Variants in ELOVL5 observed in about 807,000 individuals in gnomAD.
ELOVL5 encodes the protein ELOVL fatty acid elongase 5, also known as very long chain fatty acid elongase 5.
ELOVL5 carries 8 observed loss-of-function variants against 38.6 expected under a neutral mutation model. The observed-to-expected ratio is 0.21, with a 90% CI of 0.12 to 0.37. The LOEUF (loss-of-function observed/expected upper bound fraction) is 0.37, where lower values mean the gene tolerates loss of function less well. Among genes scored for constraint, ELOVL5 ranks in the 10% least tolerant of loss-of-function variants. The probability of loss-of-function intolerance (pLI) is 1.00; values close to 1 mark genes in which losing one functional copy is unlikely to be tolerated. For missense variants in ELOVL5, 280 were observed against 367.8 expected, an observed-to-expected ratio of 0.76 and a Z score of 1.95; for synonymous variants, 127 against 133.7, an observed-to-expected ratio of 0.95 and a Z score of 0.34.
At chr6:53,282,862 C>T (rs564508286) in intron 3 of ELOVL5, among the ~76,000 whole-genome samples, 1 of 151,886 alleles carries the variant, frequency 6.6e-6, no homozygotes, top group Non-Finnish European at 1.5e-5. Context: ...TTTAGGAAAG[C>T]CTGAAGGGAA....
intron 1 of ELOVL5, among the ~76,000 whole-genome samples, chr6:53,341,954 C>A (rs1769350070): frequency 6.6e-6 from 1 of 152,146 alleles, no homozygotes; most frequent in Admixed American, 6.5e-5. Flanking sequence ...AGTGACTTAC[C>A]TGCTGAAGCC....
intron 2 of ELOVL5, among the ~76,000 whole-genome samples, chr6:53,292,682 T>A (rs1427445517): frequency 6.6e-6 from 1 of 152,116 alleles, no homozygotes; most frequent in African/African-American, 2.4e-5. Flanking sequence ...TCCCAGCTAC[T>A]TGGGAGGCTG....
At chr6:53,316,056 T>A (rs1768026574) in intron 1 of ELOVL5, among the ~76,000 whole-genome samples, 1 of 152,250 alleles carries the variant, frequency 6.6e-6, no homozygotes, top group Non-Finnish European at 1.5e-5. Context: ...CTCATGGAGT[T>A]GCTGTGAGGA....
chr6:53,271,997 C>T (rs889781016), intron 6 of ELOVL5, among the ~76,000 whole-genome samples: 2 of 152,196 alleles, frequency 1.3e-5, no homozygotes, highest in Non-Finnish European at 2.9e-5. Context: ...GGTTAATCAA[C>T]AATTTTCCTT....
At chr6:53,347,437 C>T (rs1769599221) in intron 1 of ELOVL5, among the ~76,000 whole-genome samples, 1 of 152,182 alleles carries the variant, frequency 6.6e-6, no homozygotes, top group Non-Finnish European at 1.5e-5. Context: ...AATGCAAAAC[C>T]GCCTGTTTCT....
At position 53,323,660 on chromosome 6, in the gene ELOVL5, G is replaced by A. The variant is rs544951214; in HGVS notation, c.-9+25157C>T. On this transcript the variant is annotated intron_variant, in intron 1 of 7. Coordinates refer to ENST00000304434, the MANE Select transcript of ELOVL5 (RefSeq NM_021814.5). The stretch of plus-strand genomic sequence containing the variant: ...TGCAGTGGCGTGATCTCGGCTCACC[G>A]CAACCTCCGCCTCCCGAGTTCAAGC... 1.6e-4 allele frequency among the ~76,000 whole-genome samples: 20 copies of A among 123,238 alleles called. No homozygotes were observed. The South Asian group carries it at 2.5e-3, about 15-fold the overall frequency. The allele number at this position is 123,238 out of a possible 152,430, so 80.8% of individuals were successfully genotyped here.
intron 1 of ELOVL5, among the ~76,000 whole-genome samples, chr6:53,304,966 C>T (rs1199651776): frequency 1.3e-5 from 2 of 151,888 alleles, no homozygotes; most frequent in African/African-American, 2.4e-5. Context: ...GGGTGGTGGC[C>T]GGGCAGAGGG....
chr6:53,290,774 C>A (rs577611855), intron 3 of ELOVL5, among the ~76,000 whole-genome samples: 15 of 149,362 alleles, frequency 1.0e-4, no homozygotes, highest in Non-Finnish European at 1.9e-4. Flanking sequence ...AGGGAGACAC[C>A]ATCATGGCCT....
chr6:53,305,197 GC>G (rs1767448803), intron 1 of ELOVL5, among the ~76,000 whole-genome samples: 1 of 146,982 alleles, frequency 6.8e-6, no homozygotes. Context: ...CTGGCTGGGC[GC>G]GGGGCTGACC....
At chr6:53,294,609 A>C (rs1349411319) in intron 2 of ELOVL5, 4 of 1,365,662 alleles carry the variant, frequency 2.9e-6, no homozygotes, top group Non-Finnish European at 3.8e-6. Flanking sequence ...TATTATTATT[A>C]TTTTAGCCAT....
intron 3 of ELOVL5, among the ~76,000 whole-genome samples, chr6:53,288,571 A>G (rs1045892221): frequency 1.3e-5 from 2 of 152,264 alleles, no homozygotes; most frequent in Admixed American, 6.5e-5. Flanking sequence ...AAAGTTAATG[A>G]GATATAGAAG....
chr6:53,334,957 T>C (rs1581994541), intron 1 of ELOVL5, among the ~76,000 whole-genome samples: 1 of 152,170 alleles, frequency 6.6e-6, no homozygotes, highest in Admixed American at 6.5e-5. Context: ...AAGAGTTAGA[T>C]AGAGAAATGA....
At chr6:53,344,374 G>A (rs1177519161) in intron 1 of ELOVL5, among the ~76,000 whole-genome samples, 1 of 152,108 alleles carries the variant, frequency 6.6e-6, no homozygotes, top group Non-Finnish European at 1.5e-5. Context: ...TTCAGGTCAG[G>A]CCTTTTCACT....
At chr6:53,306,010 C>T (rs978638393) in intron 1 of ELOVL5, among the ~76,000 whole-genome samples, 3 of 151,444 alleles carry the variant, frequency 2.0e-5, no homozygotes, top group Admixed American at 6.6e-5. Context: ...GAGACCAGCC[C>T]GGCCAACACA....
At chr6:53,324,619 G>C (rs1727210083) in intron 1 of ELOVL5, among the ~76,000 whole-genome samples, 1 of 144,398 alleles carries the variant, frequency 6.9e-6, no homozygotes, top group South Asian at 2.1e-4. Context: ...AGGTTGCAGT[G>C]AGCCAAGATG....
In ELOVL5 at chr6:53,273,280, C is replaced by G. The variant is rs199770402; in HGVS notation, c.561G>C (p.Ser187=). 1 of 1,613,552 alleles carries G rather than the reference C, an allele frequency of 6.2e-7. No homozygotes were observed. The highest frequency in any genetic ancestry group is 2.2e-5 in the East Asian group (1 of 44,872). The change falls in exon 6 of 8, where the codon TCG becomes TCC. Residue 187 remains serine, a synonymous_variant. Transcript: ENST00000304434. ...GGTATGGACGCATGGAAGGGACTGA[C>G]GACAAACCATAGTAAGAGTACATGA... is the stretch of plus-strand genomic sequence containing the variant. ...HVLMYSYYGL[S]SVPSMRPYLW... is the part of the protein sequence containing the mutation.
At chr6:53,331,113 G>A (rs747949163) in intron 1 of ELOVL5, among the ~76,000 whole-genome samples, 3 of 152,096 alleles carry the variant, frequency 2.0e-5, no homozygotes, top group Non-Finnish European at 4.4e-5. Context: ...AAGGACTGCT[G>A]GAGCCCAGGA....
At chr6:53,345,120 G>A (rs371092952) in intron 1 of ELOVL5, among the ~76,000 whole-genome samples, 1 of 152,120 alleles carries the variant, frequency 6.6e-6, no homozygotes, top group East Asian at 1.9e-4. Flanking sequence ...AGTAACCAAG[G>A]CCTAAGTCAA....
intron 2 of ELOVL5, among the ~76,000 whole-genome samples, chr6:53,292,328 T>C (rs1475036563): frequency 1.3e-5 from 2 of 152,236 alleles, no homozygotes; most frequent in African/African-American, 2.4e-5. Context: ...ATGGCAGTCA[T>C]TGAACTCTGA....
Sources: allele counts gnomAD v4.1 joint callset (sites outside exome capture counted in the v4.1 genomes callset), GRCh38; gene constraint gnomAD v4.1.1; transcripts MANE v1.5; gene names NCBI Gene and HGNC (gene_info 2026-07-23, HGNC 2026-07-21).